Variants in CCSER1 observed in about 807,000 individuals in gnomAD.
The protein encoded by CCSER1 is serine-rich coiled-coil domain-containing protein 1.
Under a neutral mutation model 82.0 loss-of-function variants are expected in CCSER1, and 41 were observed. The observed-to-expected ratio is 0.50, with a 90% confidence interval of 0.39 to 0.65. The LOEUF (loss-of-function observed/expected upper bound fraction) is 0.65. Ranked by LOEUF, CCSER1 falls within the 30% of genes least tolerant of loss-of-function variation. The pLI, the probability that CCSER1 is intolerant of heterozygous loss-of-function variation, is 0.00. For synonymous variants in CCSER1, 414 were observed against 383.9 expected (o/e 1.08, Z -0.92); for missense variants, 1,119 against 1,064.2 (o/e 1.05, Z -0.72).
chr4:91,095,473 G>A (rs186769936), intron 10 of CCSER1, among the ~76,000 whole-genome samples: 35 of 152,132 alleles, frequency 2.3e-4, no homozygotes, highest in African/African-American at 6.5e-4. Context: ...CTTTCTCAGC[G>A]GCTTGTTACA....
At chr4:90,290,548 A>G (rs1475706146) in intron 1 of CCSER1, among the ~76,000 whole-genome samples, 3 of 151,954 alleles carry the variant, frequency 2.0e-5, no homozygotes, top group East Asian at 3.9e-4. Context: ...CAGATCCTAC[A>G]TAAGTACTTG....
chr4:90,384,766 G>T (rs1417817534), intron 3 of CCSER1, among the ~76,000 whole-genome samples: 1 of 152,132 alleles, frequency 6.6e-6, no homozygotes, highest in Non-Finnish European at 1.5e-5. Context: ...ATTTGGGGGT[G>T]CAGGTGGTTT....
chr4:90,155,715 C>T (rs74413418), intron 1 of CCSER1, among the ~76,000 whole-genome samples: 21 of 150,816 alleles, frequency 1.4e-4, no homozygotes, highest in Admixed American at 2.6e-4. Flanking sequence ...TCTGTGGGAT[C>T]GTATCCCCTT....
intron 3 of CCSER1, among the ~76,000 whole-genome samples, chr4:90,391,508 T>A (rs1578240839): frequency 2.7e-5 from 3 of 112,922 alleles, no homozygotes; most frequent in African/African-American, 1.1e-4. Context: ...TGGGTAAATA[T>A]ATATATATAT....
chr4:90,146,482 T>G (rs559991945), intron 1 of CCSER1, among the ~76,000 whole-genome samples: 6 of 152,016 alleles, frequency 3.9e-5, no homozygotes, highest in Non-Finnish European at 8.8e-5. Flanking sequence ...CTACCGTCAT[T>G]CTAATTACTG....
intron 10 of CCSER1, among the ~76,000 whole-genome samples, chr4:91,252,525 A>G (rs189448960): frequency 2.0e-5 from 3 of 152,216 alleles, no homozygotes; most frequent in Non-Finnish European, 2.9e-5. Context: ...AGAAATACCA[A>G]TGTGAAAACT....
At chr4:90,167,018 T>A (rs1730576539) in intron 1 of CCSER1, among the ~76,000 whole-genome samples, 1 of 152,058 alleles carries the variant, frequency 6.6e-6, no homozygotes, top group African/African-American at 2.4e-5. Context: ...GTTTATGTTA[T>A]ATCATCTTCT....
intron 10 of CCSER1, among the ~76,000 whole-genome samples, chr4:91,417,764 T>C (rs1168579568): frequency 6.6e-6 from 1 of 151,938 alleles, no homozygotes; most frequent in Non-Finnish European, 1.5e-5. Context: ...GGTGATGGGC[T>C]GATCTGTGCT....
Position 90,308,946 on chromosome 4 carries a change from C to T in CCSER1, c.662C>T (p.Pro221Leu). Reference sequence around the variant, plus strand: ...GTTACACAGTACCAAGAGAGAGAACCTGTATTAGTAAGAGCTTCGCCATCC... The same window carrying T: ...GTTACACAGTACCAAGAGAGAGAACTTGTATTAGTAAGAGCTTCGCCATCC... Reference protein sequence around the residue: ...LEVTQYQEREPVLVRASPSCS... With the variant: ...LEVTQYQERELVLVRASPSCS... Residue 221 changes from proline to leucine, a missense_variant, in exon 2 of 11, where the codon CCT becomes CTT. Pro to Leu is a moderately conservative substitution (Grantham distance 98, BLOSUM62 -3). Transcript: ENST00000509176. 1 of 1,613,826 alleles carries T rather than the reference C, an allele frequency of 6.2e-7. No homozygotes were observed. Among genetic ancestry groups the T allele is most frequent in the Non-Finnish European group, 8.5e-7 (1 of 1,179,832 alleles).
intron 10 of CCSER1, among the ~76,000 whole-genome samples, chr4:91,129,423 C>G (rs537292892): frequency 2.0e-5 from 3 of 151,484 alleles, no homozygotes; most frequent in Admixed American, 6.6e-5. Flanking sequence ...ATAGCTAATT[C>G]TGACAGAAAG....
chr4:91,509,911 T>A (rs1159527703), intron 10 of CCSER1, among the ~76,000 whole-genome samples: 1 of 152,110 alleles, frequency 6.6e-6, no homozygotes, highest in Non-Finnish European at 1.5e-5. Flanking sequence ...ATTAGGTACA[T>A]TGTGTGATGC....
intron 10 of CCSER1, among the ~76,000 whole-genome samples, chr4:91,543,604 T>A (rs1221256338): frequency 6.6e-6 from 1 of 152,208 alleles, no homozygotes. Context: ...AAAATTCTTT[T>A]CTTTAAGAAT....
intron 10 of CCSER1, among the ~76,000 whole-genome samples, chr4:91,234,904 A>G (rs1313017173): frequency 6.6e-6 from 1 of 152,090 alleles, no homozygotes; most frequent in Non-Finnish European, 1.5e-5. Flanking sequence ...GGAACATGGA[A>G]TTCAACAATC....
chr4:90,731,337 T>C (rs1366981730), intron 7 of CCSER1, among the ~76,000 whole-genome samples: 1 of 152,172 alleles, frequency 6.6e-6, no homozygotes, highest in African/African-American at 2.4e-5. Context: ...ATTGTGTTAG[T>C]AGTGAGGCAG....
At chr4:90,836,104 T>C (rs962829704) in intron 8 of CCSER1, among the ~76,000 whole-genome samples, 1 of 152,194 alleles carries the variant, frequency 6.6e-6, no homozygotes, top group South Asian at 2.1e-4. Flanking sequence ...TTGATATATG[T>C]GCAAATTGTG....
At chr4:90,228,658 T>C (rs993269752) in intron 1 of CCSER1, among the ~76,000 whole-genome samples, 13 of 152,036 alleles carry the variant, frequency 8.6e-5, no homozygotes, top group East Asian at 1.9e-4. Flanking sequence ...AGGCTTCAGA[T>C]GATCAAATTA....
chr4:90,546,947 C>T (rs113301390), intron 5 of CCSER1, among the ~76,000 whole-genome samples: 2 of 152,068 alleles, frequency 1.3e-5, no homozygotes, highest in African/African-American at 4.8e-5. Context: ...TTTCCAAAGC[C>T]TAATGAGTAA....
chr4:91,380,971 G>T (rs1232106790), intron 10 of CCSER1, among the ~76,000 whole-genome samples: 1 of 152,106 alleles, frequency 6.6e-6, no homozygotes. Context: ...GCATTTGCTT[G>T]TCTATAAAGG....
chr4:91,497,814 C>G (rs576244029), intron 10 of CCSER1, among the ~76,000 whole-genome samples: 13 of 151,926 alleles, frequency 8.6e-5, no homozygotes, highest in Non-Finnish European at 1.6e-4. Flanking sequence ...ACTAAATGAA[C>G]TGATATTTAA....
Sources: allele counts gnomAD v4.1 joint callset (sites outside exome capture counted in the v4.1 genomes callset), GRCh38; gene constraint gnomAD v4.1.1; transcripts MANE v1.5; gene names NCBI Gene and HGNC (gene_info 2026-07-23, HGNC 2026-07-21).